MYO1D: variants seen among roughly 807,000 people sequenced by gnomAD.
MYO1D encodes the protein unconventional myosin-Id.
A neutral mutation model predicts 122.0 loss-of-function variants in MYO1D; 83 were observed. The observed-to-expected ratio is 0.68, with a 90% confidence interval of 0.57 to 0.82. The LOEUF is 0.82. Among genes scored for constraint, MYO1D ranks in the 40% least tolerant of loss-of-function variants. The pLI, the probability that MYO1D is intolerant of heterozygous loss-of-function variation, is 0.00. For synonymous variants in MYO1D, 464 were observed against 446.9 expected (o/e 1.04, Z -0.48); for missense variants, 1,157 against 1,269.5 (o/e 0.91, Z 1.35).
intron 16 of MYO1D, among the ~76,000 whole-genome samples, chr17:32,674,058 T>C (rs892186913): frequency 6.6e-6 from 1 of 152,206 alleles, no homozygotes; most frequent in African/African-American, 2.4e-5. Flanking sequence ...TCTGATCAAA[T>C]GCCACAACAA....
At chr17:32,495,236 T>G (rs1909049775) in intron 21 of MYO1D, among the ~76,000 whole-genome samples, 1 of 152,130 alleles carries the variant, frequency 6.6e-6, no homozygotes, top group South Asian at 2.1e-4. Flanking sequence ...GGTCCTTCGG[T>G]GTACCAGGGC....
intron 21 of MYO1D, among the ~76,000 whole-genome samples, chr17:32,576,527 G>T (rs554296849): frequency 6.6e-6 from 1 of 152,252 alleles, no homozygotes; most frequent in South Asian, 2.1e-4. Context: ...ACCTTAATTG[G>T]ACTAAATCAT....
Position 32,775,856 on chromosome 17 carries a change from T to C in MYO1D, c.564+8A>G. 1 of 1,596,214 alleles carries C rather than the reference T, an allele frequency of 6.3e-7. No homozygotes were observed. Among genetic ancestry groups the C allele is most frequent in the Non-Finnish European group, 8.6e-7 (1 of 1,169,350 alleles). ...AAACATTACCCTCAGAAATTAAGCA[T>C]ATTTTACCTTTTCTAGTAAGTAGTT... On this transcript the variant is annotated splice_region_variant and intron_variant, in intron 4 of 21. Transcript: ENST00000318217.
chr17:32,774,931 T>A (rs552668865), intron 4 of MYO1D, among the ~76,000 whole-genome samples: 1 of 152,326 alleles, frequency 6.6e-6, no homozygotes, highest in East Asian at 1.9e-4. Flanking sequence ...CTTGATTTTA[T>A]AAAGCACAAG....
At chr17:32,589,974 C>T (rs1285751734) in intron 21 of MYO1D, among the ~76,000 whole-genome samples, 1 of 152,204 alleles carries the variant, frequency 6.6e-6, no homozygotes, top group African/African-American at 2.4e-5. Context: ...AGATGTATTA[C>T]ATATCAACTA....
At position 32,813,960 on chromosome 17, in the gene MYO1D, T is replaced by G. The variant is rs555423193; in HGVS notation, c.96-33176A>C. 1.1e-4 allele frequency among the ~76,000 whole-genome samples: 16 copies of G among 152,328 alleles called. No homozygotes were observed. The South Asian group carries it at 3.3e-3, about 32-fold the overall frequency. On this transcript the variant is annotated intron_variant, in intron 1 of 21. Transcript: ENST00000318217. ...TGCCATGGGCATTAGGTGGAAGGTT[T>G]AATACAAACTAGCTTTCACATGTTG... is the stretch of plus-strand genomic sequence containing the variant.
At chr17:32,616,667 G>A (rs1020937385) in intron 20 of MYO1D, among the ~76,000 whole-genome samples, 8 of 151,934 alleles carry the variant, frequency 5.3e-5, no homozygotes, top group African/African-American at 9.7e-5. Context: ...TTTAATCAGC[G>A]GGTAGAAAGT....
At chr17:32,767,254 T>C (rs2090067868) in intron 7 of MYO1D, among the ~76,000 whole-genome samples, 1 of 152,186 alleles carries the variant, frequency 6.6e-6, no homozygotes, top group South Asian at 2.1e-4. Context: ...TCAGGGCTAT[T>C]TCCCAATCTG....
intron 21 of MYO1D, among the ~76,000 whole-genome samples, chr17:32,503,238 C>G (rs1389970663): frequency 1.3e-5 from 2 of 152,218 alleles, no homozygotes; most frequent in Non-Finnish European, 2.9e-5. Context: ...AACATCCCCT[C>G]CCATCCAGGC....
intron 1 of MYO1D, among the ~76,000 whole-genome samples, chr17:32,792,007 A>C (rs1238054364): frequency 6.6e-6 from 1 of 152,140 alleles, no homozygotes. Context: ...CAAAAGTCTC[A>C]TGTAAGTAGA....
intron 16 of MYO1D, among the ~76,000 whole-genome samples, chr17:32,701,601 C>T (rs1474116959): frequency 6.6e-6 from 1 of 152,106 alleles, no homozygotes; most frequent in Non-Finnish European, 1.5e-5. Flanking sequence ...CACACTCTGT[C>T]ACTTAAGCTG....
Position 32,760,528 on chromosome 17 carries a change from T to A in MYO1D, c.1135A>T (p.Ile379Phe). 1.2e-6 allele frequency: 2 copies of A among 1,613,950 alleles called. No individual in the cohort carries two copies. The highest frequency in any genetic ancestry group is 1.7e-6 in the Non-Finnish European group (2 of 1,179,848). Residue 379 changes from isoleucine (I) to phenylalanine (F), a missense_variant, in exon 9 of 22, where the codon ATT (isoleucine) becomes TTT (phenylalanine). Ile to Phe is a conservative substitution (Grantham distance 21). Transcript: ENST00000318217. ...AAGCCATAGATATCCAAGACACCAATAACAGTGTTTTTCCCATGGATTGTG... is the reference window on the plus strand; with the variant it reads ...AAGCCATAGATATCCAAGACACCAAAAACAGTGTTTTTCCCATGGATTGTG... ...DTTIHGKNTV[I>F]GVLDIYGFEI...
intron 20 of MYO1D, among the ~76,000 whole-genome samples, chr17:32,609,528 T>C (rs2087672832): frequency 6.6e-6 from 1 of 152,210 alleles, no homozygotes. Flanking sequence ...GTTCCATGCC[T>C]ATGTTTTACA....
In MYO1D at chr17:32,712,171, G is replaced by C. The variant is rs879133767; in HGVS notation, c.1938C>G (p.Thr646=). ...CTGAAGGAAGGTCATGGTTGGGCCA[G>C]GTGAATTCAGAGATCATCTTATACC... ...LHRYKMISEF[T]WPNHDLPSDK... Residue 646 remains threonine, a synonymous_variant, in exon 16 of 22, where the codon ACC becomes ACG. Transcript: ENST00000318217. 1 of 1,613,654 alleles carries C rather than the reference G, an allele frequency of 6.2e-7. No homozygotes were observed. The highest frequency in any genetic ancestry group is 8.5e-7 in the Non-Finnish European group (1 of 1,179,750).
At chr17:32,553,318 A>G (rs2087038262) in intron 21 of MYO1D, among the ~76,000 whole-genome samples, 1 of 152,168 alleles carries the variant, frequency 6.6e-6, no homozygotes, top group Non-Finnish European at 1.5e-5. Flanking sequence ...AACAGTGTTG[A>G]GTGAATTTTG....
chr17:32,556,415 C>T (rs917903338), intron 21 of MYO1D, among the ~76,000 whole-genome samples: 5 of 152,058 alleles, frequency 3.3e-5, no homozygotes, highest in African/African-American at 4.8e-5. Flanking sequence ...CCTGAGGGCT[C>T]GAAGTGGGTG....
rs192865394 is a variant in MYO1D, at chr17:32,593,387, G to A, written c.2864+11700C>T. Among the ~76,000 whole-genome samples the A allele has an allele frequency of 3.3e-5, 5 of 152,302 alleles. No individual in the cohort carries two copies. In the East Asian group the frequency reaches 9.6e-4, roughly 29 times the overall value. On this transcript the variant is annotated intron_variant, in intron 21 of 21. Coordinates refer to ENST00000318217, the MANE Select transcript of MYO1D (RefSeq NM_015194.3). ...AGAGAGCCCCAGTAGCATGCTTTCT[G>A]AGGCTCGTTTGTCTGCTAAACACAA...
At position 32,654,547 on chromosome 17, in the gene MYO1D, A is replaced by T; in HGVS notation, c.2420T>A (p.Val807Glu). ...AGCCCTTTGACCCTTCAACATTTCC[A>T]CGGCTGCAACCTTTGCCCTGACCTG... ...LPQVRAKVAAVEMLKGQRADL... is the reference protein window; with the variant it reads ...LPQVRAKVAAEEMLKGQRADL... The change falls in exon 18 of 22, where the codon GTG becomes GAG. Residue 807 changes from valine (V) to glutamate (E), a missense_variant. Physicochemically the swap from Val to Glu is moderately radical, Grantham distance 121. Coordinates refer to ENST00000318217, the MANE Select transcript of MYO1D (RefSeq NM_015194.3). The T allele has an allele frequency of 6.2e-7, 1 of 1,614,046 alleles. No individual in the cohort carries two copies. Among genetic ancestry groups the T allele is most frequent in the South Asian group, 1.1e-5 (1 of 91,070 alleles).
At chr17:32,541,692 T>C (rs1207783534) in intron 21 of MYO1D, among the ~76,000 whole-genome samples, 2 of 152,184 alleles carry the variant, frequency 1.3e-5, no homozygotes, top group East Asian at 1.9e-4. Flanking sequence ...CAAAAATTCA[T>C]GTAAAACTTT....
Sources: allele counts gnomAD v4.1 joint callset (sites outside exome capture counted in the v4.1 genomes callset), GRCh38; gene constraint gnomAD v4.1.1; transcripts MANE v1.5; gene names NCBI Gene and HGNC (gene_info 2026-07-23, HGNC 2026-07-21).